TRPM3: variants seen among roughly 807,000 people sequenced by gnomAD.
TRPM3 encodes transient receptor potential cation channel subfamily M member 3.
Under a neutral mutation model 181.2 loss-of-function variants are expected in TRPM3, and 77 were observed. The observed-to-expected ratio is 0.42, with a 90% CI of 0.35 to 0.51. TRPM3 has a LOEUF of 0.51. Among genes scored for constraint, TRPM3 ranks in the 20% least tolerant of loss-of-function variants. The pLI is 0.01. For missense variants in TRPM3, 1,759 were observed against 2,196.7 expected, an observed-to-expected ratio of 0.80 and a Z score of 3.98; for synonymous variants, 745 against 796.4, an observed-to-expected ratio of 0.94 and a Z score of 1.09.
chr9:70,884,930 T>C (rs2132743300), intron 1 of TRPM3, among the ~76,000 whole-genome samples: 1 of 152,288 alleles, frequency 6.6e-6, no homozygotes, highest in South Asian at 2.1e-4. Context: ...GATTCTCAAC[T>C]TGTTTATAAA....
intron 1 of TRPM3, among the ~76,000 whole-genome samples, chr9:71,329,057 A>C (rs1352603869): frequency 1.3e-5 from 2 of 152,200 alleles, no homozygotes; most frequent in Admixed American, 1.3e-4. Context: ...TGTAAAAGAT[A>C]GGTGACAATA....
chr9:70,690,215 G>A (rs963822299), intron 8 of TRPM3, among the ~76,000 whole-genome samples: 3 of 152,162 alleles, frequency 2.0e-5, no homozygotes, highest in Non-Finnish European at 4.4e-5. Flanking sequence ...TGTAAGAAAT[G>A]ATATCTGAGT....
chr9:71,355,397 G>A (rs745780361), intron 1 of TRPM3, among the ~76,000 whole-genome samples: 9 of 152,140 alleles, frequency 5.9e-5, no homozygotes, highest in Middle Eastern at 3.2e-3. Context: ...TTGAAGTCAT[G>A]TTTCTACAAG....
intron 1 of TRPM3, among the ~76,000 whole-genome samples, chr9:71,177,625 TTAG>T (rs746632550): frequency 0.4 from 61,128 of 151,946 alleles, 12,599 homozygotes; most frequent in East Asian, 0.52. Context: ...CATTCATGTA[TTAG>T]GAAAACCTAT....
At chr9:70,903,361 G>A (rs866538568) in intron 1 of TRPM3, among the ~76,000 whole-genome samples, 1 of 152,116 alleles carries the variant, frequency 6.6e-6, no homozygotes, top group Non-Finnish European at 1.5e-5. Context: ...TTTGGTTGTG[G>A]GGATTAGTGC....
chr9:70,848,703 C>T lies in TRPM3; in HGVS notation c.463-2112G>A, dbSNP rs1259825633. ...TGTCAAAAGAAATTACCTGGCCGGGCGCGGTGGCTCACGCCTGTAATCCCA... is the reference window on the plus strand; with the variant it reads ...TGTCAAAAGAAATTACCTGGCCGGGTGCGGTGGCTCACGCCTGTAATCCCA... On this transcript the variant is annotated intron_variant, in intron 3 of 25. Coordinates refer to ENST00000677713, the MANE Select transcript of TRPM3 (RefSeq NM_001366145.2). Among the ~76,000 whole-genome samples the T allele has an allele frequency of 1.8e-3, 53 of 28,760 alleles. 20 individuals are homozygous for T. The highest frequency in any genetic ancestry group is 4.0e-3 in the Admixed American group (12 of 3,030). 18.9% of individuals were successfully genotyped at this position (28,760 alleles called of 152,430 possible).
At chr9:71,320,413 G>A (rs1285977437) in intron 1 of TRPM3, among the ~76,000 whole-genome samples, 1 of 151,890 alleles carries the variant, frequency 6.6e-6, no homozygotes, top group Admixed American at 6.6e-5. Context: ...GAAAGGACTA[G>A]ACCAACATAG....
rs539519922 is a variant in TRPM3, at chr9:70,655,613, A to G, written c.1346-14953T>C. On this transcript the variant is annotated intron_variant, in intron 9 of 25. Transcript: ENST00000677713. ...TGTGCGTGATTATATGTGTGTGTGT[A>G]TATATTTAAAAGGCCTTTATGGTTT... Among the ~76,000 whole-genome samples the G allele has an allele frequency of 9.6e-4, 146 of 152,210 alleles. 1 individual carries two copies. The highest frequency in any genetic ancestry group is 1.5e-3 in the Non-Finnish European group (99 of 68,002).
intron 1 of TRPM3, among the ~76,000 whole-genome samples, chr9:70,951,848 G>A (rs1564830910): frequency 6.6e-6 from 1 of 152,166 alleles, no homozygotes; most frequent in African/African-American, 2.4e-5. Context: ...GCCATATCGA[G>A]TCACTGCATT....
intron 1 of TRPM3, among the ~76,000 whole-genome samples, chr9:70,883,717 T>C (rs1263402373): frequency 2.0e-5 from 3 of 152,200 alleles, no homozygotes; most frequent in Non-Finnish European, 2.9e-5. Flanking sequence ...AGATTGAGCA[T>C]TTCATTTGAT....
chr9:70,563,069 C>T (rs7874398), intron 22 of TRPM3, among the ~76,000 whole-genome samples: 2,205 of 152,308 alleles, frequency 0.014, 53 homozygotes, highest in African/African-American at 0.049. Flanking sequence ...AAATGTGACC[C>T]ACACAGAACC....
chr9:71,399,107 A>C (rs1316826240), intron 1 of TRPM3, among the ~76,000 whole-genome samples: 3 of 56,216 alleles, frequency 5.3e-5, no homozygotes, highest in African/African-American at 2.1e-4. Flanking sequence ...ATCTGCCTTC[A>C]AGAATCTTCA....
chr9:71,011,635 T>C (rs1385380956), intron 1 of TRPM3, among the ~76,000 whole-genome samples: 4 of 152,082 alleles, frequency 2.6e-5, no homozygotes, highest in African/African-American at 9.6e-5. Context: ...TGATTTTGAA[T>C]TGTGTATCAT....
At chr9:71,013,042 C>T (rs539169134) in intron 1 of TRPM3, among the ~76,000 whole-genome samples, 2 of 152,190 alleles carry the variant, frequency 1.3e-5, no homozygotes, top group East Asian at 3.9e-4. Context: ...TGTACACATA[C>T]ACGCATATTT....
intron 1 of TRPM3, among the ~76,000 whole-genome samples, chr9:71,424,474 C>T (rs964243327): frequency 6.6e-6 from 1 of 151,994 alleles, no homozygotes; most frequent in Non-Finnish European, 1.5e-5. Context: ...AGGAGAGAAA[C>T]AAATATACAA....
chr9:71,047,520 C>T (rs974653638), intron 1 of TRPM3, among the ~76,000 whole-genome samples: 1 of 152,014 alleles, frequency 6.6e-6, no homozygotes, highest in Non-Finnish European at 1.5e-5. Context: ...GGAATTCCAC[C>T]GATAGGTTGA....
intron 1 of TRPM3, among the ~76,000 whole-genome samples, chr9:70,926,952 C>A (rs970272011): frequency 6.6e-6 from 1 of 152,158 alleles, no homozygotes; most frequent in African/African-American, 2.4e-5. Context: ...TGAATTTAAT[C>A]AAGAAATTTC....
intron 1 of TRPM3, among the ~76,000 whole-genome samples, chr9:71,191,729 T>C (rs2078032934): frequency 6.6e-6 from 1 of 151,464 alleles, no homozygotes; most frequent in Non-Finnish European, 1.5e-5. Context: ...TTTGCTCCCA[T>C]TGTGGAGCAA....
At chr9:70,647,479 C>T (rs2059042175) in intron 9 of TRPM3, among the ~76,000 whole-genome samples, 1 of 152,110 alleles carries the variant, frequency 6.6e-6, no homozygotes, top group African/African-American at 2.4e-5. Context: ...AAGCTTCCAA[C>T]AGAATTCAAC....
Sources: allele counts gnomAD v4.1 joint callset (sites outside exome capture counted in the v4.1 genomes callset), GRCh38; gene constraint gnomAD v4.1.1; transcripts MANE v1.5; gene names NCBI Gene and HGNC (gene_info 2026-07-23, HGNC 2026-07-21).